BABAM2: variants seen among roughly 807,000 people sequenced by gnomAD.
The protein encoded by BABAM2 is BRISC and BRCA1-A complex member 2.
In BABAM2, 31 loss-of-function variants were observed where a neutral mutation model predicts 54.7. The ratio of observed to expected loss-of-function variants is 0.57; its 90% CI spans 0.43 to 0.77. The LOEUF is 0.77. Among genes scored for constraint, BABAM2 ranks in the 30% least tolerant of loss-of-function variants. BABAM2 has a pLI of 0.00. For synonymous variants in BABAM2, 167 were observed against 162.9 expected, an observed-to-expected ratio of 1.03 and a Z score of -0.19; for missense variants, 364 against 455.8, an observed-to-expected ratio of 0.80 and a Z score of 1.83.
intron 3 of BABAM2, among the ~76,000 whole-genome samples, chr2:27,957,173 A>G (rs997438720): frequency 7.2e-5 from 11 of 152,196 alleles, no homozygotes; most frequent in African/African-American, 1.7e-4. Flanking sequence ...TTTCTGCAAC[A>G]TTATCTCACT....
intron 2 of BABAM2, among the ~76,000 whole-genome samples, chr2:27,924,040 A>G (rs1271737067): frequency 1.3e-5 from 2 of 152,142 alleles, no homozygotes; most frequent in Admixed American, 6.5e-5. Flanking sequence ...ATCCGGCCAC[A>G]TTTTGGTTAC....
intron 11 of BABAM2, among the ~76,000 whole-genome samples, chr2:28,316,372 TTGGGAG>T (rs371949632): frequency 7.2e-5 from 7 of 97,268 alleles, no homozygotes; most frequent in Admixed American, 1.3e-4. Flanking sequence ...CTGTGCATGT[TTGGGAG>T]TGGGAGTGGG....
chr2:28,220,989 A>G (rs928050050), intron 7 of BABAM2, among the ~76,000 whole-genome samples: 2 of 152,214 alleles, frequency 1.3e-5, no homozygotes, highest in African/African-American at 4.8e-5. Context: ...TTCCTCTGCA[A>G]GATGATCTCG....
At chr2:28,056,001 G>A (rs1678373659) in intron 6 of BABAM2, among the ~76,000 whole-genome samples, 1 of 152,134 alleles carries the variant, frequency 6.6e-6, no homozygotes, top group Non-Finnish European at 1.5e-5. Context: ...AGAAAGAAAA[G>A]TATTGCATGA....
At chr2:28,288,467 A>C (rs1687008933) in intron 10 of BABAM2, among the ~76,000 whole-genome samples, 1 of 151,522 alleles carries the variant, frequency 6.6e-6, no homozygotes, top group African/African-American at 2.4e-5. Flanking sequence ...CTAGGATTTC[A>C]GGCACCCACC....
rs1676298408 is a variant in BABAM2 at position 28,031,642 on chromosome 2, AAAAG to A, written c.495+6224_495+6227del. ...TTTGGAAGGTTTAATCTGTATCTCT[AAAAG>A]AGGAATTTGAACAATACTGGATAGA... On this transcript the variant is annotated intron_variant, in intron 5 of 11. Transcript: ENST00000379624. Among the ~76,000 whole-genome samples, 7 of 152,216 alleles carry A rather than the reference AAAAG, an allele frequency of 4.6e-5. No homozygotes were observed. The South Asian group carries it at 8.3e-4, about 18-fold the overall frequency.
intron 6 of BABAM2, among the ~76,000 whole-genome samples, chr2:28,069,915 C>T (rs562338567): frequency 3.5e-4 from 54 of 152,256 alleles, no homozygotes; most frequent in African/African-American, 6.7e-4. Flanking sequence ...CGCTCTGTTG[C>T]GCAGGCTGGA....
At chr2:28,045,145 C>T (rs1273776550) in intron 5 of BABAM2, among the ~76,000 whole-genome samples, 1 of 152,190 alleles carries the variant, frequency 6.6e-6, no homozygotes, top group Non-Finnish European at 1.5e-5. Context: ...CTCCGTACCT[C>T]TTTCCTATAG....
chr2:28,298,035 G>A (rs1687834434), intron 10 of BABAM2, among the ~76,000 whole-genome samples: 1 of 152,270 alleles, frequency 6.6e-6, no homozygotes, highest in African/African-American at 2.4e-5. Flanking sequence ...AGGCACCCAA[G>A]CATCCTTCCC....
At chr2:28,240,824 C>T (rs1260032703) in intron 8 of BABAM2, among the ~76,000 whole-genome samples, 4 of 147,768 alleles carry the variant, frequency 2.7e-5, no homozygotes, top group Non-Finnish European at 4.4e-5. Context: ...GAGCTAAGAT[C>T]GCGCCATTGC....
chr2:28,161,779 A>T (rs1033475472), intron 7 of BABAM2, among the ~76,000 whole-genome samples: 3 of 152,182 alleles, frequency 2.0e-5, no homozygotes, highest in South Asian at 2.1e-4. Context: ...CTTAATGCCA[A>T]GCTGGCCCAG....
intron 5 of BABAM2, among the ~76,000 whole-genome samples, chr2:28,043,311 A>G (rs968320819): frequency 1.5e-4 from 23 of 151,766 alleles, no homozygotes; most frequent in Non-Finnish European, 3.2e-4. Context: ...TTGTATTTTT[A>G]GTAGAGACGG....
At chr2:28,111,331 G>T (rs549647995) in intron 6 of BABAM2, among the ~76,000 whole-genome samples, 1 of 151,832 alleles carries the variant, frequency 6.6e-6, no homozygotes, top group East Asian at 1.9e-4. Context: ...TTCTTTGCCC[G>T]TTTTTGAATT....
At chr2:27,949,646 G>A (rs1160217674) in intron 3 of BABAM2, among the ~76,000 whole-genome samples, 1 of 152,128 alleles carries the variant, frequency 6.6e-6, no homozygotes, top group East Asian at 1.9e-4. Context: ...AAAGAACTGG[G>A]GATGGAAGAA....
chr2:28,289,899 C>A (rs1687147416), intron 10 of BABAM2, among the ~76,000 whole-genome samples: 1 of 152,140 alleles, frequency 6.6e-6, no homozygotes, highest in South Asian at 2.1e-4. Flanking sequence ...TTGAAGCCCC[C>A]TGAGTGCCCC....
intron 3 of BABAM2, among the ~76,000 whole-genome samples, chr2:27,957,921 T>C (rs1670206282): frequency 6.6e-6 from 1 of 152,302 alleles, no homozygotes; most frequent in Non-Finnish European, 1.5e-5. Flanking sequence ...AAGAAGTCTG[T>C]CTATATTGAG....
At chr2:28,327,122 A>G in intron 11 of BABAM2, 1 of 757,210 alleles carries the variant, frequency 1.3e-6, no homozygotes, top group Non-Finnish European at 2.1e-6. Context: ...TGGTATGTGT[A>G]GATGCGTGCA....
chr2:27,945,596 A>G (rs1669241997), intron 3 of BABAM2, among the ~76,000 whole-genome samples: 1 of 152,186 alleles, frequency 6.6e-6, no homozygotes, highest in South Asian at 2.1e-4. Flanking sequence ...CCTGCTGGGA[A>G]TCTGTAGATC....
At chr2:28,141,100 C>G (rs1420905353) in intron 7 of BABAM2, among the ~76,000 whole-genome samples, 2 of 152,148 alleles carry the variant, frequency 1.3e-5, no homozygotes, top group South Asian at 2.1e-4. Context: ...AAATTACCTT[C>G]CAAAGGCCCC....
Sources: gnomAD v4.1 joint callset for allele counts (sites outside exome capture counted in the v4.1 genomes callset) on GRCh38, gnomAD v4.1.1 for gene constraint, MANE v1.5 for transcripts, NCBI Gene and HGNC (gene_info 2026-07-23, HGNC 2026-07-21) for gene names.